PTPRG: variants seen among roughly 807,000 people sequenced by gnomAD.
PTPRG encodes the protein receptor-type tyrosine-protein phosphatase gamma.
A neutral mutation model predicts 165.3 loss-of-function variants in PTPRG; 102 were observed. The observed-to-expected ratio is 0.62, with a 90% CI of 0.53 to 0.73. PTPRG has a LOEUF of 0.73. Ranked by LOEUF, PTPRG falls within the 30% of genes least tolerant of loss-of-function variation. The pLI, the probability that PTPRG is intolerant of heterozygous loss-of-function variation, is 0.00. For missense variants in PTPRG, 1,866 were observed against 1,861.4 expected (o/e 1.00, Z -0.05); for synonymous variants, 675 against 669.5 (o/e 1.01, Z -0.13).
chr3:61,817,833 A>AT (rs2035834463), intron 2 of PTPRG, among the ~76,000 whole-genome samples: 1 of 152,174 alleles, frequency 6.6e-6, no homozygotes, highest in Non-Finnish European at 1.5e-5. Flanking sequence ...AGATGTGGTG[A>AT]TTTTGGGGCT....
chr3:62,119,622 A>AT (rs1038584501), intron 5 of PTPRG, among the ~76,000 whole-genome samples: 17 of 148,894 alleles, frequency 1.1e-4, no homozygotes, highest in Admixed American at 1.1e-3. Context: ...TAATTTTTTT[A>AT]TTTTTTTATT....
chr3:61,790,492 C>T (rs952930718), intron 2 of PTPRG, among the ~76,000 whole-genome samples: 2 of 152,124 alleles, frequency 1.3e-5, no homozygotes, highest in Non-Finnish European at 2.9e-5. Context: ...AGTGAGTGTA[C>T]TAGAGCTTTT....
intron 2 of PTPRG, among the ~76,000 whole-genome samples, chr3:61,867,245 A>G (rs964169325): frequency 2.6e-5 from 4 of 152,122 alleles, no homozygotes; most frequent in African/African-American, 9.7e-5. Flanking sequence ...CTCCATGGCC[A>G]AGGAGCAATT....
chr3:61,788,734 T>C (rs1246680962), intron 2 of PTPRG, among the ~76,000 whole-genome samples: 1 of 152,256 alleles, frequency 6.6e-6, no homozygotes, highest in Non-Finnish European at 1.5e-5. Flanking sequence ...CTTTGTGAGT[T>C]GTATAGTTTT....
chr3:61,890,232 A>C (rs1402065402), intron 2 of PTPRG, among the ~76,000 whole-genome samples: 1 of 152,164 alleles, frequency 6.6e-6, no homozygotes, highest in Non-Finnish European at 1.5e-5. Context: ...TTTAAGGTTA[A>C]CTGAATGGCC....
chr3:61,885,070 T>A (rs573389284), intron 2 of PTPRG, among the ~76,000 whole-genome samples: 2 of 152,316 alleles, frequency 1.3e-5, no homozygotes, highest in South Asian at 4.1e-4. Context: ...TAGTAAAATG[T>A]CATTTATTGC....
intron 5 of PTPRG, among the ~76,000 whole-genome samples, chr3:62,116,288 T>A (rs1240054606): frequency 6.6e-6 from 1 of 152,132 alleles, no homozygotes; most frequent in East Asian, 1.9e-4. Flanking sequence ...AAGTTAAAAT[T>A]CAGCATGATT....
intron 6 of PTPRG, among the ~76,000 whole-genome samples, chr3:62,141,424 T>A (rs947918816): frequency 1.3e-5 from 2 of 151,820 alleles, no homozygotes; most frequent in African/African-American, 4.8e-5. Context: ...ACATGGTGTT[T>A]TATCTCTACA....
chr3:61,763,723 G>A (rs1262480012), intron 2 of PTPRG, among the ~76,000 whole-genome samples: 2 of 152,116 alleles, frequency 1.3e-5, no homozygotes, highest in African/African-American at 4.8e-5. Flanking sequence ...AAAGGAAAAT[G>A]TTCTAGGAAA....
At chr3:61,875,333 G>T (rs1345503658) in intron 2 of PTPRG, among the ~76,000 whole-genome samples, 3 of 152,092 alleles carry the variant, frequency 2.0e-5, no homozygotes, top group Non-Finnish European at 4.4e-5. Flanking sequence ...GTGCTGCCTG[G>T]GGATGGTGTT....
At chr3:61,656,046 C>G (rs374498562) in intron 1 of PTPRG, among the ~76,000 whole-genome samples, 11 of 150,416 alleles carry the variant, frequency 7.3e-5, no homozygotes, top group East Asian at 3.9e-4. Flanking sequence ...AAGACCCCCC[C>G]CCCCCCGACC....
intron 1 of PTPRG, among the ~76,000 whole-genome samples, chr3:61,728,009 T>G (rs2032333218): frequency 6.6e-6 from 1 of 152,250 alleles, no homozygotes; most frequent in Admixed American, 6.5e-5. Flanking sequence ...ATTGTTTTTC[T>G]TCTTCTCTGT....
intron 7 of PTPRG, among the ~76,000 whole-genome samples, chr3:62,165,381 G>C (rs1194372436): frequency 6.6e-6 from 1 of 152,194 alleles, no homozygotes; most frequent in African/African-American, 2.4e-5. Flanking sequence ...TGGTAGTCCT[G>C]TCAAGTGAGT....
rs947545334 is a variant in PTPRG, at chr3:62,202,939, C to A, written c.1378-234C>A. On this transcript the variant is annotated intron_variant, in intron 11 of 29. Coordinates refer to ENST00000474889, the MANE Select transcript of PTPRG (RefSeq NM_002841.4). ...TCAGTGAAAAGCTGAGTTTGATCGA[C>A]TAGTTATGCATTTTAACATGTTCAC... Among the ~76,000 whole-genome samples the A allele has an allele frequency of 4.6e-5, 7 of 152,286 alleles. No individual in the cohort carries two copies. The East Asian group carries it at 1.2e-3, about 25-fold the overall frequency.
intron 1 of PTPRG, among the ~76,000 whole-genome samples, chr3:61,654,375 T>C (rs966953556): frequency 2.0e-5 from 3 of 152,146 alleles, no homozygotes; most frequent in Non-Finnish European, 4.4e-5. Context: ...ATTTATGATA[T>C]CATTCTTTTT....
intron 1 of PTPRG, among the ~76,000 whole-genome samples, chr3:61,721,947 C>G (rs1353276205): frequency 6.6e-6 from 1 of 152,050 alleles, no homozygotes; most frequent in South Asian, 2.1e-4. Context: ...AGTGGTTCTC[C>G]TTAGTATGGC....
chr3:62,285,043 T>C (rs1002659874), intron 28 of PTPRG, among the ~76,000 whole-genome samples: 2 of 152,036 alleles, frequency 1.3e-5, no homozygotes, highest in Middle Eastern at 3.2e-3. Flanking sequence ...ATGACAACCA[T>C]ACCAGATAAA....
chr3:61,694,393 G>C (rs2030431766), intron 1 of PTPRG, among the ~76,000 whole-genome samples: 1 of 152,124 alleles, frequency 6.6e-6, no homozygotes, highest in Admixed American at 6.6e-5. Flanking sequence ...CAAAATGTTT[G>C]ATAAAATACC....
At position 61,801,496 on chromosome 3, in the gene PTPRG, G is replaced by T. The variant is rs186159098; in HGVS notation, c.190+52514G>T. Among the ~76,000 whole-genome samples, 475 of 152,012 alleles carry T rather than the reference G, an allele frequency of 3.1e-3. 1 individual carries two copies. Among genetic ancestry groups the T allele is most frequent in the Middle Eastern group, 0.017 (5 of 294 alleles). ...ACATACATAGAAGAGGGGTGGAGGGGGGAAGAAAGGGGAGGAGAAGATGAG... is the reference window on the plus strand; with the variant it reads ...ACATACATAGAAGAGGGGTGGAGGGTGGAAGAAAGGGGAGGAGAAGATGAG... On this transcript the variant is annotated intron_variant, in intron 2 of 29. Coordinates refer to ENST00000474889, the MANE Select transcript of PTPRG (RefSeq NM_002841.4).
Sources: allele counts gnomAD v4.1 joint callset (sites outside exome capture counted in the v4.1 genomes callset), GRCh38; gene constraint gnomAD v4.1.1; transcripts MANE v1.5; gene names NCBI Gene and HGNC (gene_info 2026-07-23, HGNC 2026-07-21).